Variants in GRAMD4 observed in about 807,000 individuals in gnomAD.
GRAMD4 encodes the protein GRAM domain-containing protein 4.
In GRAMD4, 25 loss-of-function variants were observed where a neutral mutation model predicts 83.9. The ratio of observed to expected loss-of-function variants is 0.30; its 90% CI spans 0.22 to 0.42. The LOEUF is 0.42. GRAMD4 is among the 10% of genes least tolerant of loss of function. GRAMD4 has a pLI of 1.00. For synonymous variants in GRAMD4, 336 were observed against 320.9 expected, an observed-to-expected ratio of 1.05 and a Z score of -0.50; for missense variants, 593 against 788.7, an observed-to-expected ratio of 0.75 and a Z score of 2.97.
intron 1 of GRAMD4, among the ~76,000 whole-genome samples, chr22:46,588,799 G>A (rs2147929389): frequency 6.7e-6 from 1 of 148,766 alleles, no homozygotes; most frequent in East Asian, 2.0e-4. Flanking sequence ...GGTCCGGGCT[G>A]GGCAGAGCCT....
rs1601697739 is a variant in GRAMD4, at chr22:46,678,832, T to TG, written c.*1587dup. On this transcript the variant is annotated 3_prime_UTR_variant, in exon 19 of 19. Coordinates refer to ENST00000406902, the MANE Select transcript of GRAMD4 (RefSeq NM_015124.5). Reference sequence around the variant, plus strand: ...TCACACGCTGGTGCCGGGGGTGCTTTGGGGGGAGCTGCGCCGATCACCAGA... The same window carrying TG: ...TCACACGCTGGTGCCGGGGGTGCTTTGGGGGGGAGCTGCGCCGATCACCAGA... 8 of 985,956 alleles carry TG rather than the reference T, an allele frequency of 8.1e-6. No homozygotes were observed. Among genetic ancestry groups the TG allele is most frequent in the East Asian group, 1.1e-4 (1 of 8,816 alleles). The allele number at this position is 985,956 out of a possible 1,614,324, so 61.1% of individuals were successfully genotyped here. A position where few individuals can be genotyped will look rare whatever the true frequency, so the allele number is the denominator to read the frequency against.
At chr22:46,576,999 G>GGCGGGGCC (rs977453867), upstream of GRAMD4, 2 of 145,694 alleles carry the variant, frequency 1.4e-5, no homozygotes, top group African/African-American at 4.9e-5. Flanking sequence ...GCGGGGCGGG[G>GGCGGGGCC]GCGGGGCCGG....
intron 3 of GRAMD4, among the ~76,000 whole-genome samples, chr22:46,643,141 TTCCATCCATCCATCCATCC>T (rs2082005807): frequency 2.2e-4 from 1 of 4,524 alleles, no homozygotes. Context: ...CCATGCATCC[TTCCATCCATCCATCCATCC>T]ATCCATCCAT....
At chr22:46,667,537 T>G (rs2082428957) in intron 10 of GRAMD4, among the ~76,000 whole-genome samples, 1 of 152,246 alleles carries the variant, frequency 6.6e-6, no homozygotes, top group African/African-American at 2.4e-5. Context: ...TACAGAAGTC[T>G]GCTCTAGAGG....
intron 1 of GRAMD4, among the ~76,000 whole-genome samples, chr22:46,623,886 A>G (rs866752153): frequency 6.6e-6 from 1 of 151,400 alleles, no homozygotes; most frequent in South Asian, 2.1e-4. Flanking sequence ...GGTTCAAGCA[A>G]TTCTCCTGCC....
intron 1 of GRAMD4, among the ~76,000 whole-genome samples, chr22:46,601,745 G>A (rs552221919): frequency 7.9e-5 from 12 of 152,184 alleles, no homozygotes; most frequent in Non-Finnish European, 1.5e-4. Context: ...GCTGTGAGCT[G>A]TGATTATGCC....
At chr22:46,670,747 A>AG (rs2082489748) in intron 13 of GRAMD4, among the ~76,000 whole-genome samples, 1 of 152,104 alleles carries the variant, frequency 6.6e-6, no homozygotes, top group Non-Finnish European at 1.5e-5. Context: ...CTGGGATTAC[A>AG]GGGGTGCACC....
downstream of GRAMD4, among the ~76,000 whole-genome samples, chr22:46,682,665 C>T (rs773902965): frequency 5.9e-5 from 9 of 152,228 alleles, no homozygotes; most frequent in Admixed American, 1.3e-4. Context: ...TTGCCTTTAT[C>T]GCGAACACCC....
At chr22:46,662,131 C>T (rs1290010210) in intron 5 of GRAMD4, among the ~76,000 whole-genome samples, 4 of 152,248 alleles carry the variant, frequency 2.6e-5, no homozygotes, top group Non-Finnish European at 5.9e-5. Context: ...GTGCCGATCT[C>T]ACCTGGACCC....
At chr22:46,634,595 G>A (rs1228455346) in intron 2 of GRAMD4, among the ~76,000 whole-genome samples, 2 of 152,190 alleles carry the variant, frequency 1.3e-5, no homozygotes, top group Admixed American at 6.5e-5. Flanking sequence ...CAAGTGGGTC[G>A]GAGCAAGCAG....
At chr22:46,591,022 C>G (rs945663225) in intron 1 of GRAMD4, among the ~76,000 whole-genome samples, 1 of 151,688 alleles carries the variant, frequency 6.6e-6, no homozygotes, top group Non-Finnish European at 1.5e-5. Flanking sequence ...ATCGTGCCAC[C>G]GGACTCCAGC....
intron 1 of GRAMD4, among the ~76,000 whole-genome samples, chr22:46,600,983 A>C (rs1422731066): frequency 6.6e-6 from 1 of 152,108 alleles, no homozygotes; most frequent in Non-Finnish European, 1.5e-5. Context: ...GTCTCTACTA[A>C]AAATGCAAAA....
intron 1 of GRAMD4, among the ~76,000 whole-genome samples, chr22:46,588,150 G>A (rs2081169687): frequency 6.6e-6 from 1 of 152,072 alleles, no homozygotes; most frequent in South Asian, 2.1e-4. Flanking sequence ...CTAGAGCTGT[G>A]ACTCAGGATA....
At chr22:46,663,501 A>G (rs990161840) in intron 6 of GRAMD4, among the ~76,000 whole-genome samples, 4 of 152,196 alleles carry the variant, frequency 2.6e-5, no homozygotes, top group Admixed American at 6.5e-5. Context: ...TTCCCCTGCC[A>G]GGTGCTGCCA....
At chr22:46,630,987 T>A (rs2081765848) in intron 2 of GRAMD4, among the ~76,000 whole-genome samples, 1 of 152,050 alleles carries the variant, frequency 6.6e-6, no homozygotes, top group African/African-American at 2.4e-5. Flanking sequence ...TCGAGGGCCA[T>A]GTGCCCCCAC....
Position 46,581,964 on chromosome 22 carries a change from G to A in GRAMD4, c.-50+4674G>A, listed in dbSNP as rs546000842. Among the ~76,000 whole-genome samples, 29 of 152,306 alleles carry A rather than the reference G, an allele frequency of 1.9e-4. No individual in the cohort carries two copies. In the East Asian group the frequency reaches 4.8e-3, roughly 25 times the overall value. On this transcript the variant is annotated intron_variant, in intron 1 of 1. Coordinates refer to the GRAMD4 transcript ENST00000431155. ...GCTGGCTCTGGCCTGAGATGGCCGC[G>A]TCTGCACCACCTCCCACAGGGAGGC... is the stretch of plus-strand genomic sequence containing the variant.
chr22:46,594,207 G>C (rs1225839129), intron 1 of GRAMD4, among the ~76,000 whole-genome samples: 1 of 150,794 alleles, frequency 6.6e-6, no homozygotes, highest in Non-Finnish European at 1.5e-5. Flanking sequence ...TGTGTGTCCT[G>C]TGCTCTCCCT....
intron 2 of GRAMD4, among the ~76,000 whole-genome samples, chr22:46,633,077 C>G (rs2081800306): frequency 6.6e-6 from 1 of 152,216 alleles, no homozygotes; most frequent in Non-Finnish European, 1.5e-5. Flanking sequence ...TCTTCTCCAA[C>G]TCAGCCTCCA....
intron 3 of GRAMD4, among the ~76,000 whole-genome samples, chr22:46,645,461 A>G (rs2082060033): frequency 2.0e-5 from 3 of 152,176 alleles, no homozygotes; most frequent in Admixed American, 2.0e-4. Flanking sequence ...CCCAGTTCTA[A>G]TTCTTGACTC....
Sources: gnomAD v4.1 joint callset for allele counts (sites outside exome capture counted in the v4.1 genomes callset) on GRCh38, gnomAD v4.1.1 for gene constraint, MANE v1.5 for transcripts, NCBI Gene and HGNC (gene_info 2026-07-23, HGNC 2026-07-21) for gene names.